Variants in XNDC1N observed in about 807,000 individuals in gnomAD.
The protein encoded by XNDC1N is XRCC1 N-terminal domain containing 1, N-terminal like, also known as protein XNDC1N.
the XNDC1N span, among the ~76,000 whole-genome samples, chr11:71,890,453 T>C: frequency 6.6e-6 from 1 of 151,936 alleles, no homozygotes; most frequent in African/African-American, 2.4e-5. Flanking sequence ...ATCTCAGGGA[T>C]AGTGTACACC....
chr11:71,871,010 T>C, the XNDC1N span, among the ~76,000 whole-genome samples: 1 of 152,196 alleles, frequency 6.6e-6, no homozygotes, highest in African/African-American at 2.4e-5. Context: ...ACATATGACC[T>C]AGCAATCTCA....
chr11:71,904,003 C>T, the XNDC1N span: 27 of 517,318 alleles, frequency 5.2e-5, no homozygotes, highest in African/African-American at 1.2e-4. Flanking sequence ...CCCGAGAAAG[C>T]GTGCAGTGGC....
the XNDC1N span, among the ~76,000 whole-genome samples, chr11:71,912,135 C>A: frequency 6.6e-6 from 1 of 152,168 alleles, no homozygotes; most frequent in Non-Finnish European, 1.5e-5. Context: ...CTTGCCAAAA[C>A]GGTGAGGCAG....
the XNDC1N span, among the ~76,000 whole-genome samples, chr11:71,886,930 T>A: frequency 1.6e-4 from 24 of 152,208 alleles, no homozygotes; most frequent in Admixed American, 7.2e-4. Context: ...CTGTCAGAGT[T>A]TGCAGCATAA....
chr11:71,924,213 T>A, the XNDC1N span, among the ~76,000 whole-genome samples: 1 of 152,152 alleles, frequency 6.6e-6, no homozygotes, highest in Non-Finnish European at 1.5e-5. Context: ...CTTGCTGATT[T>A]ATTGCAAAAC....
At chr11:71,892,692 T>C in the XNDC1N span, among the ~76,000 whole-genome samples, 1 of 152,126 alleles carries the variant, frequency 6.6e-6, no homozygotes, top group African/African-American at 2.4e-5. Flanking sequence ...ATTTTTTTTT[T>C]TAATTTTCAC....
the XNDC1N span, among the ~76,000 whole-genome samples, chr11:71,907,437 C>A: frequency 2.7e-5 from 4 of 145,690 alleles, no homozygotes; most frequent in Non-Finnish European, 4.6e-5. Flanking sequence ...GAGGAGCCCC[C>A]CACGATGCGG....
chr11:71,900,279 G>T, the XNDC1N span, among the ~76,000 whole-genome samples: 1 of 152,200 alleles, frequency 6.6e-6, no homozygotes, highest in African/African-American at 2.4e-5. Context: ...TGGGCTCACT[G>T]TTGTTTCTCT....
chr11:71,919,204 C>T, the XNDC1N span, among the ~76,000 whole-genome samples: 1 of 152,132 alleles, frequency 6.6e-6, no homozygotes, highest in African/African-American at 2.4e-5. Context: ...TTTACAGATA[C>T]CATTTTTCTC....
the XNDC1N span, among the ~76,000 whole-genome samples, chr11:71,920,014 G>C: frequency 1.6e-5 from 2 of 124,172 alleles, no homozygotes; most frequent in African/African-American, 3.2e-5. Context: ...CTGGAGTGCA[G>C]TGGTGCAATC....
At chr11:71,880,980 A>G in the XNDC1N span, among the ~76,000 whole-genome samples, 1 of 152,146 alleles carries the variant, frequency 6.6e-6, no homozygotes, top group African/African-American at 2.4e-5. Flanking sequence ...AAGAATGTGT[A>G]CTCCACAGCT....
At chr11:71,880,044 C>T in the XNDC1N span, among the ~76,000 whole-genome samples, 1 of 151,948 alleles carries the variant, frequency 6.6e-6, no homozygotes, top group Non-Finnish European at 1.5e-5. Context: ...ATATAAAACA[C>T]CAACATTCAC....
the XNDC1N span, among the ~76,000 whole-genome samples, chr11:71,895,128 T>C: frequency 1.4e-5 from 2 of 141,028 alleles, no homozygotes; most frequent in South Asian, 4.6e-4. Flanking sequence ...TTTTTTTTTT[T>C]CTTTTAAAGC....
the XNDC1N span, chr11:71,916,192 C>A: frequency 1.4e-6 from 1 of 702,852 alleles, no homozygotes; most frequent in Non-Finnish European, 2.6e-6. Context: ...CGTGAAGGGT[C>A]GGGAGCAGGT....
chr11:71,889,238 A>G, the XNDC1N span, among the ~76,000 whole-genome samples: 10 of 152,264 alleles, frequency 6.6e-5, no homozygotes, highest in Non-Finnish European at 1.5e-4. Flanking sequence ...GGCCTATTGA[A>G]TTCTAGGGAA....
At chr11:71,903,522 G>A in the XNDC1N span, 1 of 709,936 alleles carries the variant, frequency 1.4e-6, no homozygotes, top group Non-Finnish European at 2.6e-6. Flanking sequence ...AGGCAGGGAA[G>A]AGAGACATGC....
the XNDC1N span, among the ~76,000 whole-genome samples, chr11:71,919,605 G>GTTTTTTTTGTTTT: frequency 9.2e-5 from 1 of 10,906 alleles, no homozygotes; most frequent in African/African-American, 1.2e-4. Context: ...GGCCAGGTTG[G>GTTTTTTTTGTTTT]TTTTTTTTTT....
the XNDC1N span, among the ~76,000 whole-genome samples, chr11:71,880,088 A>G: frequency 6.6e-6 from 1 of 152,236 alleles, no homozygotes; most frequent in East Asian, 1.9e-4. Flanking sequence ...AATTATATAA[A>G]TGATGGAATC....
chr11:71,873,356 T>C, the XNDC1N span, among the ~76,000 whole-genome samples: 4 of 152,250 alleles, frequency 2.6e-5, no homozygotes, highest in South Asian at 6.2e-4. Flanking sequence ...TTTTTATGTA[T>C]GCCTTAGCCC....
Sources: gnomAD v4.1 joint callset for allele counts (sites outside exome capture counted in the v4.1 genomes callset) on GRCh38, gnomAD v4.1.1 for gene constraint, MANE v1.5 for transcripts, NCBI Gene and HGNC (gene_info 2026-07-23, HGNC 2026-07-21) for gene names.